Variants in EYS observed in about 807,000 individuals in gnomAD.
EYS encodes EGF-like photoreceptor maintenance factor.
In EYS, 250 loss-of-function variants were observed where a neutral mutation model predicts 282.1. That is an observed-to-expected ratio of 0.89 (90% confidence interval 0.80 to 0.98). The LOEUF is 0.98. EYS is among the 50% of genes least tolerant of loss of function. EYS has a pLI of 0.00. For missense variants in EYS, 4,016 were observed against 3,709.0 expected (o/e 1.08, Z -2.15); for synonymous variants, 1,355 against 1,282.9 (o/e 1.06, Z -1.20).
At chr6:63,872,477 GTTT>G (rs3041455) in intron 35 of EYS, among the ~76,000 whole-genome samples, 10 of 119,398 alleles carry the variant, frequency 8.4e-5, no homozygotes, top group Admixed American at 6.8e-4. Flanking sequence ...CCTAAATATG[GTTT>G]TTTTTTTTTT....
intron 12 of EYS, among the ~76,000 whole-genome samples, chr6:65,080,441 G>C (rs944494907): frequency 3.3e-5 from 5 of 152,124 alleles, no homozygotes; most frequent in Middle Eastern, 6.8e-3. Context: ...ATTTTTATCA[G>C]ATAAGATTAA....
At chr6:64,192,855 C>T (rs1765158229) in intron 31 of EYS, among the ~76,000 whole-genome samples, 1 of 152,028 alleles carries the variant, frequency 6.6e-6, no homozygotes, top group South Asian at 2.1e-4. Flanking sequence ...AACTAATTGC[C>T]CTTGCATAAT....
chr6:63,848,705 T>G (rs1977622), intron 36 of EYS, among the ~76,000 whole-genome samples: 54,972 of 151,848 alleles, frequency 0.36, 10,443 homozygotes, highest in South Asian at 0.47. Context: ...GGAGATTCTC[T>G]CAGGTGCCTA....
intron 12 of EYS, among the ~76,000 whole-genome samples, chr6:65,065,615 A>G (rs948779321): frequency 1.3e-5 from 2 of 151,430 alleles, no homozygotes; most frequent in Non-Finnish European, 1.5e-5. Flanking sequence ...TCAATTCCTG[A>G]CCTGTGATCT....
intron 13 of EYS, among the ~76,000 whole-genome samples, chr6:65,000,818 T>C (rs1342833758): frequency 6.6e-6 from 1 of 152,164 alleles, no homozygotes; most frequent in African/African-American, 2.4e-5. Flanking sequence ...TGAACAACCG[T>C]ATAATGGTGT....
intron 8 of EYS, among the ~76,000 whole-genome samples, chr6:65,370,043 T>C (rs995663056): frequency 1.3e-5 from 2 of 151,582 alleles, no homozygotes; most frequent in Admixed American, 1.3e-4. Flanking sequence ...TAAAATGTAA[T>C]TGGTAAGGTG....
At chr6:65,205,123 C>A (rs1582015436) in intron 12 of EYS, among the ~76,000 whole-genome samples, 5 of 145,690 alleles carry the variant, frequency 3.4e-5, no homozygotes, top group Admixed American at 2.8e-4. Flanking sequence ...ATATATATAT[C>A]TATCTCCAAC....
intron 8 of EYS, among the ~76,000 whole-genome samples, chr6:65,382,081 G>A (rs974786726): frequency 6.6e-6 from 1 of 151,536 alleles, no homozygotes; most frequent in Non-Finnish European, 1.5e-5. Context: ...ACTGGTTATT[G>A]TTGTCTTTTT....
chr6:64,550,816 AACAG>A (rs1435210915), intron 26 of EYS, among the ~76,000 whole-genome samples: 13 of 152,066 alleles, frequency 8.5e-5, no homozygotes, highest in Non-Finnish European at 1.9e-4. Flanking sequence ...ATACACCAAT[AACAG>A]ACAAACAGAG....
intron 26 of EYS, among the ~76,000 whole-genome samples, chr6:64,442,500 A>C (rs778675831): frequency 1.3e-5 from 2 of 152,226 alleles, no homozygotes; most frequent in African/African-American, 4.8e-5. Context: ...ATCCCCCAAG[A>C]TAATGGGGAA....
chr6:64,888,446 A>G (rs1767168611), intron 18 of EYS, among the ~76,000 whole-genome samples: 1 of 152,050 alleles, frequency 6.6e-6, no homozygotes, highest in Non-Finnish European at 1.5e-5. Flanking sequence ...AAAACAACAC[A>G]TAAATATATC....
intron 26 of EYS, among the ~76,000 whole-genome samples, chr6:64,500,419 C>T (rs1010112367): frequency 6.6e-6 from 1 of 152,048 alleles, no homozygotes; most frequent in African/African-American, 2.4e-5. Context: ...AGGTACACAA[C>T]ATCTATAATA....
At position 65,592,073 on chromosome 6, in the gene EYS, T is replaced by C. The variant is rs558076571; in HGVS notation, c.-333+47705A>G. On this transcript the variant is annotated intron_variant, in intron 2 of 42. Coordinates refer to ENST00000503581, the MANE Select transcript of EYS (RefSeq NM_001142800.2). The stretch of plus-strand genomic sequence containing the variant: ...AGGCTAATCATACTTAGCATCATTG[T>C]ATCAATTTGTATGTTCATCTTAATA... 1.6e-4 allele frequency among the ~76,000 whole-genome samples: 25 copies of C among 152,134 alleles called. No homozygotes were observed. In the South Asian group the frequency reaches 2.1e-3, roughly 13 times the overall value.
chr6:65,048,390 G>A (rs1464884059), intron 13 of EYS, among the ~76,000 whole-genome samples: 2 of 151,814 alleles, frequency 1.3e-5, no homozygotes, highest in Non-Finnish European at 2.9e-5. Context: ...ACATTGGACT[G>A]TCCAATCCTA....
chr6:65,153,621 G>C (rs1233009296), intron 12 of EYS, among the ~76,000 whole-genome samples: 1 of 151,536 alleles, frequency 6.6e-6, no homozygotes, highest in Non-Finnish European at 1.5e-5. Context: ...TTTATCAATA[G>C]TATCATTATG....
chr6:65,364,109 C>T (rs9453279), intron 8 of EYS, among the ~76,000 whole-genome samples: 6,860 of 148,924 alleles, frequency 0.046, 509 homozygotes, highest in African/African-American at 0.15. Flanking sequence ...GATGTTTTTT[C>T]TTAAATATCC....
chr6:64,526,913 C>T (rs1368147883), intron 26 of EYS, among the ~76,000 whole-genome samples: 2 of 151,700 alleles, frequency 1.3e-5, no homozygotes, highest in African/African-American at 2.4e-5. Flanking sequence ...TGTTGACTTA[C>T]GTACTGTTAA....
intron 8 of EYS, among the ~76,000 whole-genome samples, chr6:65,371,707 CCCTCTCT>C (rs1765145722): frequency 2.2e-5 from 2 of 91,310 alleles, no homozygotes; most frequent in African/African-American, 8.4e-5. Flanking sequence ...CTCTCTCTCT[CCCTCTCT>C]CTCTCTCTCT....
chr6:65,102,110 A>G (rs1198290952), intron 12 of EYS, among the ~76,000 whole-genome samples: 2 of 151,398 alleles, frequency 1.3e-5, no homozygotes, highest in African/African-American at 4.8e-5. Context: ...AGAGCAAATT[A>G]CTTTGTGAGG....
Sources: allele counts gnomAD v4.1 joint callset (sites outside exome capture counted in the v4.1 genomes callset), GRCh38; gene constraint gnomAD v4.1.1; transcripts MANE v1.5; gene names NCBI Gene and HGNC (gene_info 2026-07-23, HGNC 2026-07-21).